Variants in RIPK4 observed in about 807,000 individuals in gnomAD.
RIPK4 encodes receptor-interacting serine/threonine-protein kinase 4.
Under a neutral mutation model 42.9 loss-of-function variants are expected in RIPK4, and 17 were observed. The ratio of observed to expected loss-of-function variants is 0.40; its 90% confidence interval spans 0.27 to 0.59. RIPK4 has a LOEUF of 0.59. Ranked by LOEUF, RIPK4 falls within the 20% of genes least tolerant of loss-of-function variation. The probability of loss-of-function intolerance (pLI) is 0.47; values close to 1 mark genes in which losing one functional copy is unlikely to be tolerated. For missense variants in RIPK4, 897 were observed against 1,104.4 expected, an observed-to-expected ratio of 0.81 and a Z score of 2.66; for synonymous variants, 498 against 499.1, an observed-to-expected ratio of 1.00 and a Z score of 0.03.
chr21:41,750,676 C>T (rs139167939), intron 3 of RIPK4, among the ~76,000 whole-genome samples: 68 of 152,140 alleles, frequency 4.5e-4, no homozygotes, highest in African/African-American at 1.5e-3. Flanking sequence ...GGACTTAGCC[C>T]CCTTTCTGTT....
rs772009598 is a variant in RIPK4, at chr21:41,741,778, G to C, written c.1415C>G (p.Ser472Cys). The C allele has an allele frequency of 3.1e-6, 5 of 1,611,430 alleles. No individual in the cohort carries two copies. The South Asian group carries it at 5.5e-5, about 18-fold the overall frequency. The change falls in exon 8 of 8, where the codon TCC (serine) becomes TGC (cysteine). Residue 472 changes from serine (S) to cysteine (C), a missense_variant. By Grantham distance (112) the Ser-to-Cys change is moderately radical. Transcript: ENST00000332512. ...CTCCACGGCCATGTGCAACGGGGTG[G>C]AGCCCCTACGGTTGCTCAGGTTGGG... ...ANPNLSNRRG[S>C]TPLHMAVERR...
At chr21:41,753,762 G>A (rs575730003) in intron 2 of RIPK4, among the ~76,000 whole-genome samples, 26 of 152,288 alleles carry the variant, frequency 1.7e-4, no homozygotes, top group South Asian at 6.2e-4. Context: ...GCAGCCTGCC[G>A]GGGTTTTGCT....
intron 1 of RIPK4, among the ~76,000 whole-genome samples, 197 bp downstream of exon 1, chr21:41,766,662 GC>G (rs1336997287): frequency 5.3e-5 from 8 of 152,138 alleles, no homozygotes; most frequent in Non-Finnish European, 2.9e-5. Flanking sequence ...GCTCGCCAAA[GC>G]CCCCGCGCCC....
rs2146042904 is a variant in RIPK4, at chr21:41,739,457, A to C, written c.*1381T>G. 1 of 152,408 alleles carries C rather than the reference A, an allele frequency of 6.6e-6. No homozygotes were observed. The allele number at this position is 152,408 out of a possible 1,614,324, so 9.4% of individuals were successfully genotyped here. A position where few individuals can be genotyped will look rare whatever the true frequency, so the allele number is the denominator to read the frequency against. On this transcript the variant is annotated 3_prime_UTR_variant, in exon 8 of 8. Coordinates refer to ENST00000332512, the MANE Select transcript of RIPK4 (RefSeq NM_020639.3). Reference sequence around the variant, plus strand: ...ACGCAGTCCACACAACAGTAAAGGCACAATGAGGCATATTAAAACATAGCC... The same window carrying C: ...ACGCAGTCCACACAACAGTAAAGGCCCAATGAGGCATATTAAAACATAGCC...
intron 4 of RIPK4, among the ~76,000 whole-genome samples, chr21:41,748,843 T>C (rs555947255): frequency 7.9e-4 from 121 of 152,302 alleles, no homozygotes; most frequent in African/African-American, 2.8e-3. Context: ...AATTAGACAG[T>C]GGTAACGCTT....
rs574612576 is a variant in RIPK4 at position 41,742,173 on chromosome 21, C to A, written c.1196-176G>T. ...GCCTCGTGATTAAGGTCAGTCCTAG[C>A]GGGAGCCCCGGGGCAGGCTGGCGAA... On this transcript the variant is annotated intron_variant, in intron 7 of 7. Transcript: ENST00000332512. The surrounding 1 kb of genome is among the most constrained non-coding windows in gnomAD (Gnocchi z 5.1). 6.6e-6 allele frequency among the ~76,000 whole-genome samples: 1 copy of A among 152,112 alleles called. No homozygotes were observed. The highest frequency in any genetic ancestry group is 2.4e-5 in the African/African-American group (1 of 41,420).
At chr21:41,757,892 A>C (rs1017010969) in intron 1 of RIPK4, among the ~76,000 whole-genome samples, 64 of 149,130 alleles carry the variant, frequency 4.3e-4, no homozygotes, top group African/African-American at 1.4e-3. Flanking sequence ...CCAGCTACTC[A>C]GGAGGCTGAA....
At chr21:41,752,948 T>C (rs557348231) in intron 2 of RIPK4, among the ~76,000 whole-genome samples, 1 of 152,066 alleles carries the variant, frequency 6.6e-6, no homozygotes, top group East Asian at 1.9e-4. Flanking sequence ...TATAAACCTA[T>C]GTAACAAACT....
chr21:41,758,926 G>A (rs371508618), intron 1 of RIPK4, among the ~76,000 whole-genome samples: 11 of 152,272 alleles, frequency 7.2e-5, no homozygotes, highest in African/African-American at 2.4e-4. Context: ...CTCAGAATGC[G>A]TTCAGAGTAA....
At chr21:41,759,997 A>G (rs1003701849) in intron 1 of RIPK4, among the ~76,000 whole-genome samples, 4 of 152,180 alleles carry the variant, frequency 2.6e-5, no homozygotes, top group Non-Finnish European at 5.9e-5. Context: ...TCTCAATTAG[A>G]GGCAACTTCA....
Position 41,741,764 on chromosome 21 carries a change from T to C in RIPK4, c.1429A>G (p.Met477Val), listed in dbSNP as rs2061155265. Residue 477 changes from methionine to valine, a missense_variant, in exon 8 of 8, where the codon ATG becomes GTG. By Grantham distance (21) the Met-to-Val change is conservative. Transcript: ENST00000332512. ...CCCCGCACCCTCCTCTCCACGGCCA[T>C]GTGCAACGGGGTGGAGCCCCTACGG... ...SNRRGSTPLH[M>V]AVERRVRGVV... is the part of the protein sequence containing the mutation. 2 of 1,611,822 alleles carry C rather than the reference T, an allele frequency of 1.2e-6. No homozygotes were observed. The highest frequency in any genetic ancestry group is 1.1e-5 in the South Asian group (1 of 91,088).
chr21:41,747,852 G>A lies in RIPK4; in HGVS notation c.674-1081C>T, dbSNP rs73369684. Among the ~76,000 whole-genome samples the A allele has an allele frequency of 6.2e-3, 939 of 152,202 alleles. 6 individuals are homozygous for A. Among genetic ancestry groups the A allele is most frequent in the African/African-American group, 0.021 (888 of 41,540 alleles). Reference sequence around the variant, plus strand: ...CTTGAACCCCCTCCTACCCATTTTTGCCTGAGGTTGCAATTTTTTGAATTT... The same window carrying A: ...CTTGAACCCCCTCCTACCCATTTTTACCTGAGGTTGCAATTTTTTGAATTT... On this transcript the variant is annotated intron_variant, in intron 4 of 7. Coordinates refer to ENST00000332512, the MANE Select transcript of RIPK4 (RefSeq NM_020639.3).
chr21:41,755,554 A>G lies in RIPK4; in HGVS notation c.474+971T>C, dbSNP rs2061200875. On this transcript the variant is annotated intron_variant, in intron 2 of 7. Transcript: ENST00000332512. This position sits in a 1 kb window ranked among gnomAD's most constrained non-coding sequence, Gnocchi z 4.2. ...TGGTCAGGCCATCAGAGAGGCCTGG[A>G]AGTGCTGTGCCACCAGGAACAGTAG... is the stretch of plus-strand genomic sequence containing the variant. Among the ~76,000 whole-genome samples the G allele has an allele frequency of 6.6e-6, 1 of 152,176 alleles. No homozygotes were observed. Among genetic ancestry groups the G allele is most frequent in the African/African-American group, 2.4e-5 (1 of 41,432 alleles).
chr21:41,766,755 G>T, intron 1 of RIPK4, 105 bp downstream of exon 1: 1 of 1,216,508 alleles, frequency 8.2e-7, no homozygotes, highest in South Asian at 1.5e-5. Flanking sequence ...AAGCTGCTCC[G>T]GGGGTGAGTT....
Position 41,766,858 on chromosome 21 carries a change from A to G in RIPK4, c.182+2T>C. 6.2e-7 allele frequency: 1 copy of G among 1,606,188 alleles called. No individual in the cohort carries two copies. The highest frequency in any genetic ancestry group is 8.5e-7 in the Non-Finnish European group (1 of 1,176,968). On this transcript the variant is annotated splice_donor_variant, in intron 1 of 7. Coordinates refer to ENST00000332512, the MANE Select transcript of RIPK4 (RefSeq NM_020639.3). LOFTEE classifies it high-confidence loss of function. ...CCCCAGCGCCCCGCCCGGGCCGCTC[A>G]CCTGTCGTCGACGTGCAGGCTGGGC...
In RIPK4 at chr21:41,744,249, G is replaced by GA. The variant is rs992373439; in HGVS notation, c.937-110dup. ...GGTGGGCCACGGGAGGGAGATGGGG[G>GA]AGGAAAGGACGGACCCTGGAAGCAA... On this transcript the variant is annotated intron_variant, in intron 6 of 7. Coordinates refer to ENST00000332512, the MANE Select transcript of RIPK4 (RefSeq NM_020639.3). 5.3e-5 allele frequency: 58 copies of GA among 1,098,974 alleles called. No homozygotes were observed. The African/African-American group carries it at 8.1e-4, about 15-fold the overall frequency. 68.1% of individuals were successfully genotyped at this position (1,098,974 alleles called of 1,614,324 possible).
chr21:41,761,337 C>T (rs1040551195), intron 1 of RIPK4, among the ~76,000 whole-genome samples: 11 of 152,264 alleles, frequency 7.2e-5, no homozygotes, highest in Admixed American at 6.5e-4. Flanking sequence ...ACTTCCAACC[C>T]GGCAACTGCC....
chr21:41,754,365 G>T (rs1183659479), intron 2 of RIPK4, among the ~76,000 whole-genome samples: 1 of 152,170 alleles, frequency 6.6e-6, no homozygotes, highest in African/African-American at 2.4e-5. Flanking sequence ...TCTTGATGGT[G>T]ACTAACATGC....
rs775415877 is a variant in RIPK4 at position 41,756,588 on chromosome 21, C to A, written c.411G>T (p.Pro137=). ...VGMNFLHCMA[P]PLLHLDLKPA... ...GCTTGAGGTCCAGGTGCAGGAGTGGCGGGGCCATGCAGTGCAGGAAGTTCA... is the reference window on the plus strand; with the variant it reads ...GCTTGAGGTCCAGGTGCAGGAGTGGAGGGGCCATGCAGTGCAGGAAGTTCA... The change falls in exon 2 of 8, where the codon CCG becomes CCT. Residue 137 remains proline (P), a synonymous_variant. Coordinates refer to ENST00000332512, the MANE Select transcript of RIPK4 (RefSeq NM_020639.3). 2.5e-6 allele frequency: 4 copies of A among 1,613,280 alleles called. No homozygotes were observed. Among genetic ancestry groups the A allele is most frequent in the Non-Finnish European group, 3.4e-6 (4 of 1,179,822 alleles).
Sources: allele counts gnomAD v4.1 joint callset (sites outside exome capture counted in the v4.1 genomes callset), GRCh38; gene constraint gnomAD v4.1.1; non-coding constraint Gnocchi (gnomAD v3.1); transcripts MANE v1.5; gene names NCBI Gene and HGNC (gene_info 2026-07-23, HGNC 2026-07-21).